KLF13: variants seen among roughly 807,000 people sequenced by gnomAD.
KLF13 encodes Krueppel-like factor 13.
A neutral mutation model predicts 16.7 loss-of-function variants in KLF13; 8 were observed. That is an observed-to-expected ratio of 0.48 (90% CI 0.28 to 0.87). The LOEUF (loss-of-function observed/expected upper bound fraction) is 0.87. Ranked by LOEUF, KLF13 falls within the 40% of genes least tolerant of loss-of-function variation. The pLI, the probability that KLF13 is intolerant of heterozygous loss-of-function variation, is 0.10. For synonymous variants in KLF13, 245 were observed against 208.4 expected, an observed-to-expected ratio of 1.18 and a Z score of -1.51; for missense variants, 447 against 452.2, an observed-to-expected ratio of 0.99 and a Z score of 0.10.
downstream of KLF13, among the ~76,000 whole-genome samples, chr15:31,406,937 G>A (rs2040136712): frequency 6.6e-6 from 1 of 151,990 alleles, no homozygotes; most frequent in African/African-American, 2.4e-5. Context: ...GATTACATTG[G>A]GCTCCCTGGG....
At chr15:31,349,994 G>A (rs963600238) in intron 1 of KLF13, among the ~76,000 whole-genome samples, 5 of 152,246 alleles carry the variant, frequency 3.3e-5, no homozygotes, top group African/African-American at 1.2e-4. Flanking sequence ...CCTCAGAGTA[G>A]CCTAGCCTTT....
chr15:31,365,403 C>T (rs2039450514), intron 1 of KLF13, among the ~76,000 whole-genome samples: 1 of 152,154 alleles, frequency 6.6e-6, no homozygotes, highest in Admixed American at 6.5e-5. Context: ...TTCTCCCTTC[C>T]ATGAAGGGGA....
chr15:31,372,344 C>T lies in KLF13; in HGVS notation c.*45C>T. On this transcript the variant is annotated 3_prime_UTR_variant, in exon 2 of 2. Transcript: ENST00000307145. The stretch of plus-strand genomic sequence containing the variant: ...AGCCGCTCCCACCCCCTCGTGAGTC[C>T]CTGGCCTTTCCTTTTGTAATAAGAA... 7.1e-7 allele frequency: 1 copy of T among 1,400,630 alleles called. No homozygotes were observed. Among genetic ancestry groups the T allele is most frequent in the Non-Finnish European group, 9.3e-7 (1 of 1,079,482 alleles). The allele number at this position is 1,400,630 out of a possible 1,614,324, so 86.8% of individuals were successfully genotyped here. A position where few individuals can be genotyped will look rare whatever the true frequency, so the allele number is the denominator to read the frequency against.
intron 1 of KLF13, among the ~76,000 whole-genome samples, chr15:31,342,559 A>G (rs774352917): frequency 9.2e-5 from 14 of 152,308 alleles, no homozygotes; most frequent in Non-Finnish European, 2.1e-4. Context: ...CTCAGCCATC[A>G]GCAGCCCGGA....
upstream of KLF13, among the ~76,000 whole-genome samples, chr15:31,388,776 A>C (rs532021292): frequency 6.7e-5 from 10 of 149,736 alleles, no homozygotes; most frequent in South Asian, 1.1e-3. Context: ...AAAAAAAAAA[A>C]AAAAAAAAAA....
intron 1 of KLF13, among the ~76,000 whole-genome samples, chr15:31,345,504 CT>C (rs1481081034): frequency 2.6e-5 from 4 of 152,236 alleles, no homozygotes; most frequent in Admixed American, 1.3e-4. Flanking sequence ...CACCGCGTGC[CT>C]AGCAGCAAGC....
Position 31,343,507 on chromosome 15 carries a change from G to A in KLF13, c.577+15718G>A, listed in dbSNP as rs535203407. Among the ~76,000 whole-genome samples, 207 of 152,330 alleles carry A rather than the reference G, an allele frequency of 1.4e-3. 1 individual carries two copies. The highest frequency in any genetic ancestry group is 4.7e-3 in the African/African-American group (196 of 41,590). Reference sequence around the variant, plus strand: ...GAAGGGAGAAGGCAAGGAGGCATGAGGGGTGCATCCAGCCTCCAGTGGGGA... The same window carrying A: ...GAAGGGAGAAGGCAAGGAGGCATGAAGGGTGCATCCAGCCTCCAGTGGGGA... On this transcript the variant is annotated intron_variant, in intron 1 of 1. Transcript: ENST00000307145.
chr15:31,407,119 C>T (rs2040139480), downstream of KLF13, among the ~76,000 whole-genome samples: 1 of 152,110 alleles, frequency 6.6e-6, no homozygotes, highest in African/African-American at 2.4e-5. Context: ...GGAATAATTT[C>T]CCAGAGCTAA....
Position 31,425,335 on chromosome 15 carries a change from C to A in KLF13, n.118-10035C>A, listed in dbSNP as rs546666005. Among the ~76,000 whole-genome samples the A allele has an allele frequency of 7.1e-3, 1,074 of 152,216 alleles. 4 individuals carry two copies. Among genetic ancestry groups the A allele is most frequent in the Non-Finnish European group, 0.011 (752 of 68,000 alleles). On this transcript the variant is annotated intron_variant and non_coding_transcript_variant, in intron 1 of 1. Transcript: ENST00000558225. ...ATCCTAAGGAATAGCCCAAATAATT[C>A]TGTAAAAGAAAACAAAACTGAAAAT...
chr15:31,409,705 C>T (rs1191149728), downstream of KLF13, among the ~76,000 whole-genome samples: 1 of 152,120 alleles, frequency 6.6e-6, no homozygotes, highest in South Asian at 2.1e-4. Flanking sequence ...AGAAGCCATG[C>T]AAGCCAGATT....
intron 1 of KLF13, among the ~76,000 whole-genome samples, chr15:31,422,993 C>T (rs566100468): frequency 1.5e-4 from 23 of 150,240 alleles, no homozygotes; most frequent in Admixed American, 4.0e-4. Flanking sequence ...GCTGAGATCA[C>T]GCCACTGCAC....
intron 1 of KLF13, among the ~76,000 whole-genome samples, chr15:31,410,563 C>T (rs1240256209): frequency 1.3e-5 from 2 of 149,800 alleles, no homozygotes; most frequent in Non-Finnish European, 1.5e-5. Context: ...ATATACCATG[C>T]AGACAGTAAA....
chr15:31,383,886 A>G (rs1458985360), intron 1 of KLF13, among the ~76,000 whole-genome samples: 3 of 152,046 alleles, frequency 2.0e-5, no homozygotes, highest in African/African-American at 7.3e-5. Flanking sequence ...TGGGCAACAG[A>G]GCGAGACTCC....
Position 31,348,565 on chromosome 15 carries a change from G to A in KLF13, c.577+20776G>A, listed in dbSNP as rs1327686883. The stretch of plus-strand genomic sequence containing the variant: ...CCAGGAAGCCCCTCCTGGCAGCCAA[G>A]GGTGTGACCCTGCAGTCACGGCAGC... On this transcript the variant is annotated intron_variant, in intron 1 of 1. Coordinates refer to ENST00000307145, the MANE Select transcript of KLF13 (RefSeq NM_015995.4). 5.9e-5 allele frequency among the ~76,000 whole-genome samples: 9 copies of A among 152,298 alleles called. No individual in the cohort carries two copies. The East Asian group carries it at 1.7e-3, about 29-fold the overall frequency.
At chr15:31,393,472 T>C (rs1258596505) in intron 1 of KLF13, 2 of 95,368 alleles carry the variant, frequency 2.1e-5, no homozygotes, top group Non-Finnish European at 3.9e-5. Flanking sequence ...CGCCAGGGGG[T>C]TTCAGAGCCA....
chr15:31,330,257 C>T (rs547723914), intron 1 of KLF13, among the ~76,000 whole-genome samples: 1 of 152,278 alleles, frequency 6.6e-6, no homozygotes, highest in Admixed American at 6.5e-5. Flanking sequence ...GGTTTGTGGG[C>T]CTCTAGCAGC....
chr15:31,420,172 C>T (rs1263059668), intron 1 of KLF13: 1 of 537,942 alleles, frequency 1.9e-6, no homozygotes, highest in Non-Finnish European at 3.6e-6. Flanking sequence ...GTGTCGTCGC[C>T]ACCCATAAAA....
chr15:31,355,574 G>A (rs1287638221), intron 1 of KLF13, among the ~76,000 whole-genome samples: 1 of 152,052 alleles, frequency 6.6e-6, no homozygotes, highest in Non-Finnish European at 1.5e-5. Context: ...TGCTCATAGG[G>A]GCTCTTCTTG....
At chr15:31,402,238 A>T (rs1595500708) in intron 2 of KLF13, among the ~76,000 whole-genome samples, 2 of 152,106 alleles carry the variant, frequency 1.3e-5, no homozygotes, top group South Asian at 2.1e-4. Flanking sequence ...ATGGATGGAG[A>T]GCCCTCTGGG....
Sources: allele counts gnomAD v4.1 joint callset (sites outside exome capture counted in the v4.1 genomes callset), GRCh38; gene constraint gnomAD v4.1.1; transcripts MANE v1.5; gene names NCBI Gene and HGNC (gene_info 2026-07-23, HGNC 2026-07-21).